UBOX5: variants seen among roughly 807,000 people sequenced by gnomAD.
The protein encoded by UBOX5 is RING finger protein 37.
UBOX5 carries 28 observed loss-of-function variants against 39.0 expected under a neutral mutation model. The observed-to-expected ratio is 0.72, with a 90% CI of 0.53 to 0.98. UBOX5 has a LOEUF of 0.98. UBOX5 is among the 50% of genes least tolerant of loss of function. UBOX5 has a pLI of 0.00. For synonymous variants in UBOX5, 283 were observed against 275.5 expected, an observed-to-expected ratio of 1.03 and a Z score of -0.27; for missense variants, 585 against 674.4, an observed-to-expected ratio of 0.87 and a Z score of 1.47.
intron 1 of UBOX5, among the ~76,000 whole-genome samples, chr20:3,126,063 C>T (rs1026070290): frequency 9.2e-5 from 14 of 152,054 alleles, no homozygotes; most frequent in Admixed American, 5.2e-4. Flanking sequence ...GCGGTTTTGT[C>T]GAAAAGAAAA....
chr20:3,119,290 T>C (rs1213748693), intron 3 of UBOX5, among the ~76,000 whole-genome samples: 1 of 152,166 alleles, frequency 6.6e-6, no homozygotes, highest in Non-Finnish European at 1.5e-5. Context: ...AGTCCAACAA[T>C]GCATCAACGA....
At chr20:3,110,566 G>C (rs1331503266) in intron 4 of UBOX5, 1 of 521,788 alleles carries the variant, frequency 1.9e-6, no homozygotes, top group East Asian at 3.4e-5. Context: ...TGGCTTCTGA[G>C]GGCAGCAGGC....
chr20:3,149,099 G>A lies in UBOX5; in HGVS notation c.-42+10667C>T. On this transcript the variant is annotated intron_variant, in intron 1 of 4. Coordinates refer to ENST00000217173, the MANE Select transcript of UBOX5 (RefSeq NM_014948.4). The surrounding 1 kb of genome is among the most constrained non-coding windows in gnomAD (Gnocchi z 4.1). The stretch of plus-strand genomic sequence containing the variant: ...GGTGTCAGTATTGATCTCTTTGGCA[G>A]TCAGAATACAGTCCTCACAGATTTG... 1 of 1,582,602 alleles carries A rather than the reference G, an allele frequency of 6.3e-7. No homozygotes were observed. The highest frequency in any genetic ancestry group is 8.6e-7 in the Non-Finnish European group (1 of 1,164,190).
chr20:3,140,729 T>C lies in UBOX5; in HGVS notation c.-41-17323A>G, dbSNP rs568723720. On this transcript the variant is annotated intron_variant, in intron 1 of 4. Coordinates refer to ENST00000217173, the MANE Select transcript of UBOX5 (RefSeq NM_014948.4). ...TACCAGATTTTTTTTTTTCAACTTT[T>C]ATTTTAGATTCAGGAGACACATGTG... Among the ~76,000 whole-genome samples the C allele has an allele frequency of 2.0e-4, 30 of 152,178 alleles. 1 individual carries two copies. The South Asian group carries it at 5.8e-3, about 29-fold the overall frequency.
intron 4 of UBOX5, among the ~76,000 whole-genome samples, chr20:3,111,918 G>C (rs2066256742): frequency 6.6e-6 from 1 of 152,210 alleles, no homozygotes; most frequent in Non-Finnish European, 1.5e-5. Flanking sequence ...AGGCACCAAA[G>C]AAGGGAGGGC....
At chr20:3,120,866 G>A (rs1351134041) in intron 3 of UBOX5, among the ~76,000 whole-genome samples, 1 of 152,096 alleles carries the variant, frequency 6.6e-6, no homozygotes, top group East Asian at 1.9e-4. Flanking sequence ...ATGCCACATG[G>A]TGAGGGGGGC....
chr20:3,123,281 A>T (rs1600374299), intron 2 of UBOX5, 31 bp downstream of exon 2: 1 of 1,596,676 alleles, frequency 6.3e-7, no homozygotes, highest in African/African-American at 1.3e-5. Flanking sequence ...AACATAGCAT[A>T]TATTTATGTG....
chr20:3,119,025 G>C (rs1171932685), intron 3 of UBOX5, among the ~76,000 whole-genome samples: 1 of 152,238 alleles, frequency 6.6e-6, no homozygotes, highest in African/African-American at 2.4e-5. Flanking sequence ...TAAGAAATAT[G>C]AAGATGGAGG....
chr20:3,120,592 G>A (rs1308410347), intron 3 of UBOX5, among the ~76,000 whole-genome samples: 1 of 149,042 alleles, frequency 6.7e-6, no homozygotes, highest in East Asian at 2.0e-4. Context: ...CTTGCAGTGA[G>A]CCGAGATCAT....
At chr20:3,136,611 T>C (rs887191159) in intron 1 of UBOX5, among the ~76,000 whole-genome samples, 1 of 152,066 alleles carries the variant, frequency 6.6e-6, no homozygotes, top group African/African-American at 2.4e-5. Flanking sequence ...CACCTCAGCC[T>C]CCCAAAGTGC....
chr20:3,156,290 C>G (rs1192353172), intron 1 of UBOX5, among the ~76,000 whole-genome samples: 1 of 151,708 alleles, frequency 6.6e-6, no homozygotes, highest in Admixed American at 6.6e-5. Flanking sequence ...ATTCTCCTGC[C>G]TCAGCCTCCC....
At chr20:3,140,014 CTTTTTT>C (rs138435815) in intron 1 of UBOX5, among the ~76,000 whole-genome samples, 5 of 78,350 alleles carry the variant, frequency 6.4e-5, no homozygotes, top group South Asian at 4.9e-4. Context: ...GGCCTTTTTA[CTTTTTT>C]TTTTTTTTTT....
chr20:3,111,486 C>T (rs1395742333), intron 4 of UBOX5, among the ~76,000 whole-genome samples: 1 of 152,198 alleles, frequency 6.6e-6, no homozygotes, highest in African/African-American at 2.4e-5. Flanking sequence ...AGCTTCCCAA[C>T]TTTCGGGACA....
chr20:3,146,889 G>A (rs749852810), intron 1 of UBOX5: 1 of 1,614,190 alleles, frequency 6.2e-7, no homozygotes, highest in East Asian at 2.2e-5. Context: ...CGGTAGCCAA[G>A]CCGAGCCAGC....
chr20:3,126,203 C>G (rs987857268), intron 1 of UBOX5, among the ~76,000 whole-genome samples: 1 of 152,210 alleles, frequency 6.6e-6, no homozygotes, highest in South Asian at 2.1e-4. Context: ...AATCTATAAC[C>G]TTACCCCCAA....
intron 1 of UBOX5, among the ~76,000 whole-genome samples, chr20:3,137,779 C>G (rs1211009691): frequency 6.6e-6 from 1 of 152,148 alleles, no homozygotes; most frequent in Non-Finnish European, 1.5e-5. Flanking sequence ...TTCATGTTAT[C>G]CTTTAGAAAG....
chr20:3,110,298 G>C lies in UBOX5; in HGVS notation c.1434C>G (p.Ile478Met). ...PGTGSEQPGS[I>M]LGPECASCKR... Reference sequence around the variant, plus strand: ...TGCAGGAGGCACATTCGGGGCCCAGGATGCTCCCAGGCTGCTCTGGTAAAT... The same window carrying C: ...TGCAGGAGGCACATTCGGGGCCCAGCATGCTCCCAGGCTGCTCTGGTAAAT... Residue 478 changes from isoleucine (I) to methionine (M), a missense_variant, in exon 5 of 5, where the codon ATC (isoleucine) becomes ATG (methionine). Ile to Met is a conservative substitution (Grantham distance 10, BLOSUM62 1). Transcript: ENST00000217173. The C allele has an allele frequency of 6.2e-7, 1 of 1,614,136 alleles. No individual in the cohort carries two copies.
intron 4 of UBOX5, chr20:3,110,851 A>AC (rs2066248415): frequency 6.0e-6 from 1 of 167,518 alleles, no homozygotes; most frequent in Non-Finnish European, 1.3e-5. Flanking sequence ...GAAAAAAAAA[A>AC]AAAAAGGAAA....
intron 1 of UBOX5, among the ~76,000 whole-genome samples, chr20:3,154,471 C>T (rs552295114): frequency 9.9e-5 from 15 of 152,198 alleles, no homozygotes; most frequent in African/African-American, 3.6e-4. Flanking sequence ...CACTTGAGGC[C>T]GGGAGTTTGA....
Sources: allele counts gnomAD v4.1 joint callset (sites outside exome capture counted in the v4.1 genomes callset), GRCh38; gene constraint gnomAD v4.1.1; non-coding constraint Gnocchi (gnomAD v3.1); transcripts MANE v1.5; gene names NCBI Gene and HGNC (gene_info 2026-07-23, HGNC 2026-07-21).